LRMDA: variants seen among roughly 807,000 people sequenced by gnomAD.
The protein encoded by LRMDA is leucine rich melanocyte differentiation associated.
In LRMDA, 18 loss-of-function variants were observed where a neutral mutation model predicts 29.8. The ratio of observed to expected loss-of-function variants is 0.60; its 90% CI spans 0.42 to 0.90. The LOEUF (loss-of-function observed/expected upper bound fraction) is 0.90. Ranked by LOEUF, LRMDA falls within the 40% of genes least tolerant of loss-of-function variation. The pLI, the probability that LRMDA is intolerant of heterozygous loss-of-function variation, is 0.00. For missense variants in LRMDA, 273 were observed against 273.9 expected, an observed-to-expected ratio of 1.00 and a Z score of 0.02; for synonymous variants, 125 against 109.4, an observed-to-expected ratio of 1.14 and a Z score of -0.89.
chr10:76,194,044 A>G (rs1851291868), intron 5 of LRMDA, among the ~76,000 whole-genome samples: 1 of 152,184 alleles, frequency 6.6e-6, no homozygotes, highest in Non-Finnish European at 1.5e-5. Context: ...ACTTGAAGGG[A>G]CAGGATATAG....
intron 2 of LRMDA, among the ~76,000 whole-genome samples, chr10:75,680,229 G>A (rs956000216): frequency 6.6e-5 from 10 of 152,284 alleles, no homozygotes; most frequent in African/African-American, 2.2e-4. Flanking sequence ...GAATAACATC[G>A]TATCCTCAAA....
At chr10:75,913,451 G>T (rs989515485) in intron 2 of LRMDA, among the ~76,000 whole-genome samples, 4 of 152,108 alleles carry the variant, frequency 2.6e-5, no homozygotes, top group African/African-American at 9.7e-5. Context: ...GCGAGACTCC[G>T]TCTTGGGGGG....
intron 2 of LRMDA, among the ~76,000 whole-genome samples, chr10:75,636,199 A>C (rs1423259594): frequency 1.3e-5 from 2 of 152,256 alleles, no homozygotes; most frequent in African/African-American, 4.8e-5. Context: ...GAAATATTGC[A>C]TGGAACTTTC....
At chr10:76,073,670 C>A (rs1848910704) in intron 5 of LRMDA, among the ~76,000 whole-genome samples, 1 of 152,132 alleles carries the variant, frequency 6.6e-6, no homozygotes, top group African/African-American at 2.4e-5. Flanking sequence ...TAGGCTCTGC[C>A]TAAGGATTCC....
At chr10:76,317,750 T>A (rs546861497) in intron 5 of LRMDA, among the ~76,000 whole-genome samples, 1 of 152,260 alleles carries the variant, frequency 6.6e-6, no homozygotes, top group East Asian at 1.9e-4. Context: ...ATTTTTGTAC[T>A]TTTAGTAGAG....
chr10:75,688,672 T>C (rs1291548127), intron 2 of LRMDA, among the ~76,000 whole-genome samples: 1 of 152,230 alleles, frequency 6.6e-6, no homozygotes, highest in Non-Finnish European at 1.5e-5. Flanking sequence ...GAGGTTCTAC[T>C]GTGGGTGAAA....
At chr10:75,756,137 C>T (rs1843029409) in intron 2 of LRMDA, among the ~76,000 whole-genome samples, 1 of 152,196 alleles carries the variant, frequency 6.6e-6, no homozygotes, top group East Asian at 1.9e-4. Flanking sequence ...TGTTTGCTTA[C>T]CATATCCATT....
At chr10:75,750,339 G>T (rs1842943311) in intron 2 of LRMDA, among the ~76,000 whole-genome samples, 1 of 151,684 alleles carries the variant, frequency 6.6e-6, no homozygotes, top group Non-Finnish European at 1.5e-5. Context: ...CTGCTGGGCG[G>T]AGGGGCTCCT....
intron 2 of LRMDA, among the ~76,000 whole-genome samples, chr10:75,804,042 T>C (rs1843805289): frequency 6.6e-6 from 1 of 152,230 alleles, no homozygotes; most frequent in South Asian, 2.1e-4. Flanking sequence ...TTTGCTGTAA[T>C]GTTCTGTGAC....
At chr10:75,775,013 A>G (rs996892600) in intron 2 of LRMDA, among the ~76,000 whole-genome samples, 1 of 152,226 alleles carries the variant, frequency 6.6e-6, no homozygotes, top group Non-Finnish European at 1.5e-5. Context: ...GTTTATCTAC[A>G]TTCACTTAGC....
At chr10:75,832,827 T>G (rs1457080634) in intron 2 of LRMDA, among the ~76,000 whole-genome samples, 1 of 152,154 alleles carries the variant, frequency 6.6e-6, no homozygotes, top group Admixed American at 6.5e-5. Context: ...TTTAAAACCA[T>G]CAGATCTCGT....
At chr10:76,261,649 C>A (rs947582087) in intron 5 of LRMDA, among the ~76,000 whole-genome samples, 14 of 152,326 alleles carry the variant, frequency 9.2e-5, no homozygotes, top group African/African-American at 3.4e-4. Context: ...AAACTCACTT[C>A]TCATAAGCCT....
intron 5 of LRMDA, among the ~76,000 whole-genome samples, chr10:76,281,110 C>T (rs985037527): frequency 4.6e-5 from 7 of 152,126 alleles, no homozygotes; most frequent in Admixed American, 4.6e-4. Context: ...TCATTCTGCT[C>T]GTGGTAGAAT....
At chr10:75,926,259 A>G (rs1334753145) in intron 2 of LRMDA, among the ~76,000 whole-genome samples, 2 of 152,212 alleles carry the variant, frequency 1.3e-5, no homozygotes, top group African/African-American at 4.8e-5. Flanking sequence ...GCAAGACCAC[A>G]GAGCTATCTT....
intron 6 of LRMDA, among the ~76,000 whole-genome samples, chr10:76,440,836 T>C (rs2132291417): frequency 6.6e-6 from 1 of 152,278 alleles, no homozygotes; most frequent in Non-Finnish European, 1.5e-5. Flanking sequence ...GCTGGTGAGA[T>C]TATTCACATA....
chr10:76,075,874 C>A (rs1437843212), intron 5 of LRMDA, among the ~76,000 whole-genome samples: 1 of 152,114 alleles, frequency 6.6e-6, no homozygotes, highest in East Asian at 1.9e-4. Context: ...ATTCAAATCC[C>A]CACTCTCCCA....
intron 2 of LRMDA, among the ~76,000 whole-genome samples, chr10:75,498,118 C>T (rs953510658): frequency 2.6e-5 from 4 of 152,074 alleles, no homozygotes; most frequent in Non-Finnish European, 5.9e-5. Flanking sequence ...TGTATGATGA[C>T]GTCTCGTTGT....
At chr10:75,824,915 C>T (rs1321860824) in intron 2 of LRMDA, among the ~76,000 whole-genome samples, 2 of 152,198 alleles carry the variant, frequency 1.3e-5, no homozygotes, top group Non-Finnish European at 2.9e-5. Context: ...GGTCCAGTGA[C>T]CCCAATGAGC....
intron 5 of LRMDA, among the ~76,000 whole-genome samples, chr10:76,109,801 T>G (rs138015672): frequency 2.6e-5 from 4 of 152,318 alleles, no homozygotes; most frequent in Non-Finnish European, 5.9e-5. Context: ...TGTTCACCTC[T>G]TCTTTTTCGA....
Sources: allele counts gnomAD v4.1 joint callset (sites outside exome capture counted in the v4.1 genomes callset), GRCh38; gene constraint gnomAD v4.1.1; transcripts MANE v1.5; gene names NCBI Gene and HGNC (gene_info 2026-07-23, HGNC 2026-07-21).